The following MAP1LC3B2 variants were observed in gnomAD, a reference collection of about 807,000 sequenced individuals.
The protein encoded by MAP1LC3B2 is microtubule-associated protein 1 light chain 3 beta 2.
For missense variants in MAP1LC3B2, 155 were observed against 154.6 expected, an observed-to-expected ratio of 1.00 and a Z score of -0.01; for synonymous variants, 62 against 57.8, an observed-to-expected ratio of 1.07 and a Z score of -0.33.
At chr12:116,575,687 G>A (rs1264988825) in intron 1 of MAP1LC3B2, among the ~76,000 whole-genome samples, 155 bp from the exon 2 acceptor site, 1 of 152,134 alleles carries the variant, frequency 6.6e-6, no homozygotes, top group East Asian at 1.9e-4. Context: ...ACATGCCAAA[G>A]GCTTGAATAA....
Position 116,576,381 on chromosome 12 carries a change from G to C in MAP1LC3B2, c.*61G>C, listed in dbSNP as rs1289220957. 6.4e-7 allele frequency: 1 copy of C among 1,563,134 alleles called. No homozygotes were observed. The highest frequency in any genetic ancestry group is 8.6e-7 in the Non-Finnish European group (1 of 1,159,378). ...AACCCTTACCAAGGAAAAAAAAAGG[G>C]ATGTTACCAACTGAGATCGATCAGT... On this transcript the variant is annotated 3_prime_UTR_variant, in exon 2 of 2. Coordinates refer to ENST00000556529, the MANE Select transcript of MAP1LC3B2 (RefSeq NM_001085481.3).
rs763583169 is a variant in MAP1LC3B2 at position 116,576,036 on chromosome 12, C to A, written c.94C>A (p.Pro32Thr). 4.3e-6 allele frequency: 7 copies of A among 1,614,154 alleles called. No homozygotes were observed. The highest frequency in any genetic ancestry group is 5.9e-6 in the Non-Finnish European group (7 of 1,180,032). ...LIREQHPTKI[P>T]VIIERYKGEK... ...TCGAGAGCAGCATCCAACCAAAATCCCGGTGATAATAGAACGATACAAGGG... is the reference window on the plus strand; with the variant it reads ...TCGAGAGCAGCATCCAACCAAAATCACGGTGATAATAGAACGATACAAGGG... Residue 32 changes from proline (P) to threonine (T), a missense_variant, in exon 2 of 2, where the codon CCG (proline) becomes ACG (threonine). Physicochemically the swap from Pro to Thr is conservative, Grantham distance 38. Coordinates refer to ENST00000556529, the MANE Select transcript of MAP1LC3B2 (RefSeq NM_001085481.3).
chr12:116,573,993 T>A (rs1869607827), intron 1 of MAP1LC3B2, among the ~76,000 whole-genome samples: 1 of 152,086 alleles, frequency 6.6e-6, no homozygotes, highest in Non-Finnish European at 1.5e-5. Context: ...TTTTTACCCA[T>A]CAGATTGGCA....
intron 1 of MAP1LC3B2, among the ~76,000 whole-genome samples, chr12:116,574,655 G>GA (rs56382732): frequency 0.027 from 3,862 of 144,758 alleles, 164 homozygotes; most frequent in African/African-American, 0.092. Flanking sequence ...CAAAAAGAAA[G>GA]AAAAAAAAAA....
Position 116,575,913 on chromosome 12 carries a change from C to T in MAP1LC3B2, c.-30C>T, listed in dbSNP as rs1330409366. 7 of 1,613,396 alleles carry T rather than the reference C, an allele frequency of 4.3e-6. No homozygotes were observed. Among genetic ancestry groups the T allele is most frequent in the Middle Eastern group, 1.7e-4 (1 of 6,060 alleles). On this transcript the variant is annotated 5_prime_UTR_variant, in exon 2 of 2. Coordinates refer to ENST00000556529, the MANE Select transcript of MAP1LC3B2 (RefSeq NM_001085481.3). ...CCAGGAGCCGCCGGGACCCTCGCGT[C>T]GTCGCCGCCGCGGCCCAGATCCCCA... is the stretch of plus-strand genomic sequence containing the variant.
intron 1 of MAP1LC3B2, chr12:116,559,737 G>GC (rs2136957500): frequency 6.6e-6 from 1 of 152,334 alleles, no homozygotes; most frequent in East Asian, 1.9e-4. Context: ...CAGCGGAGGG[G>GC]CCACCTTCAG....
chr12:116,564,418 T>A (rs1193605364), intron 1 of MAP1LC3B2, among the ~76,000 whole-genome samples: 1 of 152,200 alleles, frequency 6.6e-6, no homozygotes, highest in Admixed American at 6.5e-5. Context: ...GGCTTTTTTT[T>A]AAGCTTTATT....
At chr12:116,571,480 T>C (rs1869531987) in intron 1 of MAP1LC3B2, among the ~76,000 whole-genome samples, 1 of 121,152 alleles carries the variant, frequency 8.3e-6, no homozygotes, top group East Asian at 2.4e-4. Context: ...TTTTTTTTTT[T>C]TTTTTTTTTT....
intron 1 of MAP1LC3B2, among the ~76,000 whole-genome samples, chr12:116,573,099 GT>G (rs1205005944): frequency 4.6e-5 from 7 of 152,040 alleles, no homozygotes; most frequent in Admixed American, 1.3e-4. Context: ...GATTTTTGTA[GT>G]TTTATTAGAG....
chr12:116,576,053 A>G lies in MAP1LC3B2; in HGVS notation c.111A>G (p.Arg37=). The G allele has an allele frequency of 6.2e-7, 1 of 1,614,252 alleles. No individual in the cohort carries two copies. Among genetic ancestry groups the G allele is most frequent in the Non-Finnish European group, 8.5e-7 (1 of 1,180,048 alleles). Residue 37 remains arginine, a synonymous_variant, in exon 2 of 2, where the codon CGA becomes CGG. Coordinates refer to ENST00000556529, the MANE Select transcript of MAP1LC3B2 (RefSeq NM_001085481.3). The part of the protein sequence containing the change: ...HPTKIPVIIE[R]YKGEKQLPVL... ...CCAAAATCCCGGTGATAATAGAACGATACAAGGGTGAGAAGCAGCTTCCTG... is the reference window on the plus strand; with the variant it reads ...CCAAAATCCCGGTGATAATAGAACGGTACAAGGGTGAGAAGCAGCTTCCTG...
chr12:116,560,198 A>ATG, intron 1 of MAP1LC3B2: 1 of 12,620 alleles, frequency 7.9e-5, no homozygotes, highest in African/African-American at 2.3e-4. Flanking sequence ...CTATATATAT[A>ATG]TATATATATA....
rs1043115549 is a variant in MAP1LC3B2, at chr12:116,571,763, A to G, written c.-101-4079A>G. Among the ~76,000 whole-genome samples, 4 of 151,748 alleles carry G rather than the reference A, an allele frequency of 2.6e-5. 1 individual carries two copies. Among genetic ancestry groups the G allele is most frequent in the Admixed American group, 2.0e-4 (3 of 15,236 alleles). ...CCCAAAGTGCTGGGATTACAGACGT[A>G]AGCCACCGCGCCCGGCCACGGACTG... On this transcript the variant is annotated intron_variant, in intron 1 of 1. Coordinates refer to ENST00000556529, the MANE Select transcript of MAP1LC3B2 (RefSeq NM_001085481.3).
intron 1 of MAP1LC3B2, among the ~76,000 whole-genome samples, chr12:116,563,774 A>G (rs1032466321): frequency 1.3e-5 from 2 of 151,568 alleles, no homozygotes; most frequent in Admixed American, 6.6e-5. Context: ...GGCCCCTGAC[A>G]CTCTGATTAT....
intron 1 of MAP1LC3B2, among the ~76,000 whole-genome samples, chr12:116,575,172 C>A (rs1286029335): frequency 6.5e-5 from 9 of 138,542 alleles, no homozygotes; most frequent in Non-Finnish European, 1.1e-4. Flanking sequence ...AACAGCGAAA[C>A]TCAGTCTCAA....
At chr12:116,570,542 G>A (rs1361082240) in intron 1 of MAP1LC3B2, among the ~76,000 whole-genome samples, 2 of 152,132 alleles carry the variant, frequency 1.3e-5, no homozygotes, top group African/African-American at 2.4e-5. Flanking sequence ...AATCATGGGG[G>A]CAGTTTCCCC....
intron 1 of MAP1LC3B2, among the ~76,000 whole-genome samples, chr12:116,569,217 C>T (rs2136961993): frequency 6.6e-6 from 1 of 152,196 alleles, no homozygotes; most frequent in African/African-American, 2.4e-5. Flanking sequence ...CTATGATATT[C>T]TGTTATAGTA....
At chr12:116,563,863 T>G (rs1869327797) in intron 1 of MAP1LC3B2, among the ~76,000 whole-genome samples, 1 of 152,172 alleles carries the variant, frequency 6.6e-6, no homozygotes, top group African/African-American at 2.4e-5. Context: ...TTACTGATTT[T>G]TTTTTCTTCT....
chr12:116,563,230 A>G (rs1420144324), intron 1 of MAP1LC3B2, among the ~76,000 whole-genome samples: 1 of 152,170 alleles, frequency 6.6e-6, no homozygotes, highest in Non-Finnish European at 1.5e-5. Flanking sequence ...AAGTGCTGGG[A>G]TTACAGGCAT....
rs1339729443 is a variant in MAP1LC3B2 at position 116,576,112 on chromosome 12, A to G, written c.170A>G (p.His57Arg). The G allele has an allele frequency of 8.7e-6, 14 of 1,614,112 alleles. No homozygotes were observed. The highest frequency in any genetic ancestry group is 1.3e-5 in the African/African-American group (1 of 74,932). Residue 57 changes from histidine to arginine, a missense_variant, in exon 2 of 2, where the codon CAT becomes CGT. Physicochemically the swap from His to Arg is conservative, Grantham distance 29. Transcript: ENST00000556529. ...LDKTKFLVPD[H>R]VNMSELIKII... The stretch of plus-strand genomic sequence containing the variant: ...AAAACAAAGTTCCTTGTACCTGACC[A>G]TGTCAACATGAGTGAGCTCATCAAG...
Sources: allele counts gnomAD v4.1 joint callset (sites outside exome capture counted in the v4.1 genomes callset), GRCh38; gene constraint gnomAD v4.1.1; transcripts MANE v1.5; gene names NCBI Gene and HGNC (gene_info 2026-07-23, HGNC 2026-07-21).